Variants in DKK2 observed in about 807,000 individuals in gnomAD.
The protein encoded by DKK2 is dickkopf-related protein 2.
DKK2 carries 11 observed loss-of-function variants against 28.1 expected under a neutral mutation model. The observed-to-expected ratio is 0.39, with a 90% confidence interval of 0.25 to 0.65. The LOEUF is 0.65. DKK2 is among the 30% of genes least tolerant of loss of function. DKK2 has a pLI of 0.47. For missense variants in DKK2, 326 were observed against 335.5 expected (o/e 0.97, Z 0.22); for synonymous variants, 135 against 126.5 (o/e 1.07, Z -0.45).
chr4:106,961,958 C>T (rs1722691590), intron 1 of DKK2, among the ~76,000 whole-genome samples: 1 of 152,152 alleles, frequency 6.6e-6, no homozygotes, highest in African/African-American at 2.4e-5. Context: ...CAGGGCAAAG[C>T]TTGAGAACAT....
Position 106,989,712 on chromosome 4 carries a change from A to G in DKK2, c.222+45658T>C, listed in dbSNP as rs143882270. Among the ~76,000 whole-genome samples the G allele has an allele frequency of 2.8e-3, 433 of 152,294 alleles. 3 individuals are homozygous for G. Among genetic ancestry groups the G allele is most frequent in the African/African-American group, 0.01 (418 of 41,572 alleles). Reference sequence around the variant, plus strand: ...TGTAATTTAGCTCACAAGGAATAAAATGAATTAATCATAGTAGATTGTTCT... The same window carrying G: ...TGTAATTTAGCTCACAAGGAATAAAGTGAATTAATCATAGTAGATTGTTCT... On this transcript the variant is annotated intron_variant, in intron 1 of 3. Coordinates refer to ENST00000285311, the MANE Select transcript of DKK2 (RefSeq NM_014421.3).
chr4:106,985,923 G>C (rs957417236), intron 1 of DKK2, among the ~76,000 whole-genome samples: 3 of 151,926 alleles, frequency 2.0e-5, no homozygotes, highest in South Asian at 2.1e-4. Context: ...AAAAGGGAGG[G>C]AAGGCAAGAA....
intron 1 of DKK2, among the ~76,000 whole-genome samples, chr4:106,965,003 A>T (rs908872004): frequency 2.4e-4 from 35 of 146,838 alleles, no homozygotes; most frequent in South Asian, 1.5e-3. Context: ...ATAGATAGAT[A>T]GATTGATTGA....
chr4:106,962,391 A>T (rs943648653), intron 1 of DKK2, among the ~76,000 whole-genome samples: 3 of 152,142 alleles, frequency 2.0e-5, no homozygotes, highest in Admixed American at 1.3e-4. Flanking sequence ...GAATACAGAA[A>T]TAAATCCAGG....
intron 1 of DKK2, among the ~76,000 whole-genome samples, chr4:106,929,732 G>A (rs1290735304): frequency 6.6e-6 from 1 of 152,226 alleles, no homozygotes; most frequent in East Asian, 1.9e-4. Context: ...ATCAGAAATT[G>A]GTATTTCGTT....
At chr4:106,939,944 A>T (rs1724667920) in intron 1 of DKK2, among the ~76,000 whole-genome samples, 1 of 152,220 alleles carries the variant, frequency 6.6e-6, no homozygotes, top group Admixed American at 6.5e-5. Context: ...CTTATACCTT[A>T]TACAAAAATC....
intron 1 of DKK2, among the ~76,000 whole-genome samples, chr4:106,957,332 G>A (rs1302768663): frequency 2.0e-5 from 3 of 151,722 alleles, no homozygotes; most frequent in African/African-American, 4.8e-5. Flanking sequence ...AACCATTGTG[G>A]AAGTCAGTGT....
At chr4:106,928,194 C>T (rs1724450631) in intron 1 of DKK2, among the ~76,000 whole-genome samples, 1 of 151,742 alleles carries the variant, frequency 6.6e-6, no homozygotes, top group Non-Finnish European at 1.5e-5. Flanking sequence ...TGCACAGTAG[C>T]CTTATATTTG....
chr4:107,028,583 A>G (rs1723829203), intron 1 of DKK2, among the ~76,000 whole-genome samples: 1 of 152,160 alleles, frequency 6.6e-6, no homozygotes, highest in African/African-American at 2.4e-5. Flanking sequence ...AAGACTAGAG[A>G]GATGAAGTGA....
intron 1 of DKK2, among the ~76,000 whole-genome samples, chr4:107,014,089 A>G (rs1364714827): frequency 6.6e-6 from 1 of 151,508 alleles, no homozygotes; most frequent in African/African-American, 2.4e-5. Context: ...GTTCCCTCAG[A>G]AAATTAGCAA....
rs13131108 is a variant in DKK2, at chr4:107,010,287, T to G, written c.222+25083A>C. Among the ~76,000 whole-genome samples the G allele has an allele frequency of 5.7e-3, 866 of 151,914 alleles. 4 individuals carry two copies. Among genetic ancestry groups the G allele is most frequent in the Non-Finnish European group, 0.01 (700 of 67,742 alleles). On this transcript the variant is annotated intron_variant, in intron 1 of 3. Coordinates refer to ENST00000285311, the MANE Select transcript of DKK2 (RefSeq NM_014421.3). Reference sequence around the variant, plus strand: ...GTGATTCCCCTTTAAAGTATGGCTTTAACCCCTTATTAGGACAGCTAAGTA... The same window carrying G: ...GTGATTCCCCTTTAAAGTATGGCTTGAACCCCTTATTAGGACAGCTAAGTA...
intron 1 of DKK2, among the ~76,000 whole-genome samples, chr4:106,999,470 C>G (rs912310190): frequency 6.6e-6 from 1 of 152,200 alleles, no homozygotes; most frequent in African/African-American, 2.4e-5. Context: ...CCTCAGCCTC[C>G]TACGGAGCTG....
chr4:107,035,579 T>C lies in DKK2; in HGVS notation c.13A>G (p.Met5Val). 1 of 1,614,040 alleles carries C rather than the reference T, an allele frequency of 6.2e-7. No individual in the cohort carries two copies. The highest frequency in any genetic ancestry group is 8.5e-7 in the Non-Finnish European group (1 of 1,179,988). ...CAGCAGGACGAATCCTTGCTCCGCA[T>C]CAACGCGGCCATCTCCCGGCGAGGG... is the stretch of plus-strand genomic sequence containing the variant. Reference protein sequence around the residue: MAALMRSKDSSCCLL... With the variant: MAALVRSKDSSCCLL... Residue 5 changes from methionine to valine, a missense_variant, in exon 1 of 4, where the codon ATG becomes GTG. Met to Val is a conservative substitution (Grantham distance 21). Coordinates refer to ENST00000285311, the MANE Select transcript of DKK2 (RefSeq NM_014421.3).
chr4:106,924,309 A>G (rs1348032972), intron 3 of DKK2, 105 bp from the exon 4 acceptor site: 1 of 1,427,630 alleles, frequency 7.0e-7, no homozygotes, highest in Admixed American at 2.6e-5. Flanking sequence ...ACTATCTTCT[A>G]TGTTGTTACC....
chr4:107,030,649 T>G (rs1723863351), intron 1 of DKK2, among the ~76,000 whole-genome samples: 1 of 151,988 alleles, frequency 6.6e-6, no homozygotes, highest in Non-Finnish European at 1.5e-5. Flanking sequence ...AGAAATTTGA[T>G]TGTAATTGAT....
Position 106,954,400 on chromosome 4 carries a change from TAA to T in DKK2, c.223-28453_223-28452del, listed in dbSNP as rs527912509. Among the ~76,000 whole-genome samples, 32 of 152,296 alleles carry T rather than the reference TAA, an allele frequency of 2.1e-4. No individual in the cohort carries two copies. In the South Asian group the frequency reaches 4.6e-3, roughly 22 times the overall value. On this transcript the variant is annotated intron_variant, in intron 1 of 3. Coordinates refer to ENST00000285311, the MANE Select transcript of DKK2 (RefSeq NM_014421.3). The stretch of plus-strand genomic sequence containing the variant: ...AAAAATTTTATTTTAGCCTAGGAAA[TAA>T]GAGAGGAAAAAGAGATGACTATTAT...
chr4:106,947,032 C>G (rs1435404607), intron 1 of DKK2, among the ~76,000 whole-genome samples: 3 of 152,044 alleles, frequency 2.0e-5, no homozygotes, highest in Non-Finnish European at 2.9e-5. Context: ...TTATAGAAGG[C>G]AGAACCAAAC....
In DKK2 at chr4:106,951,005, A is replaced by AT. The variant is rs575513767; in HGVS notation, c.223-25057dup. ...TTGGGTTGTTTTGAAATGTATATGG[A>AT]TTTTTTTTTTACCCAGTATCATGTT... On this transcript the variant is annotated intron_variant, in intron 1 of 3. Transcript: ENST00000285311. Among the ~76,000 whole-genome samples, 377 of 149,220 alleles carry AT rather than the reference A, an allele frequency of 2.5e-3. 5 individuals carry two copies. The South Asian group carries it at 0.043, about 17-fold the overall frequency.
intron 1 of DKK2, among the ~76,000 whole-genome samples, chr4:106,967,155 C>A (rs1377405252): frequency 6.6e-6 from 1 of 152,122 alleles, no homozygotes; most frequent in Non-Finnish European, 1.5e-5. Flanking sequence ...CCATGTCAGG[C>A]ACTGGCTACA....
Sources: gnomAD v4.1 joint callset for allele counts (sites outside exome capture counted in the v4.1 genomes callset) on GRCh38, gnomAD v4.1.1 for gene constraint, MANE v1.5 for transcripts, NCBI Gene and HGNC (gene_info 2026-07-23, HGNC 2026-07-21) for gene names.